BOD1L1: variants seen among roughly 807,000 people sequenced by gnomAD.
The protein encoded by BOD1L1 is biorientation of chromosomes in cell division protein 1-like 1.
Under a neutral mutation model 240.7 loss-of-function variants are expected in BOD1L1, and 86 were observed. The ratio of observed to expected loss-of-function variants is 0.36; its 90% CI spans 0.30 to 0.43. The LOEUF (loss-of-function observed/expected upper bound fraction) is 0.43, where lower values mean the gene tolerates loss of function less well. Ranked by LOEUF, BOD1L1 falls within the 20% of genes least tolerant of loss-of-function variation. The pLI is 1.00. For missense variants in BOD1L1, 3,554 were observed against 3,643.5 expected, an observed-to-expected ratio of 0.98 and a Z score of 0.63; for synonymous variants, 1,268 against 1,272.3, an observed-to-expected ratio of 1.00 and a Z score of 0.07.
At chr4:13,609,695 G>T (rs1435115562) in intron 6 of BOD1L1, among the ~76,000 whole-genome samples, 1 of 152,054 alleles carries the variant, frequency 6.6e-6, no homozygotes, top group Non-Finnish European at 1.5e-5. Context: ...GTATAATTTT[G>T]GGGAAAAGTG....
At chr4:13,591,437 A>G (rs922758372) in intron 13 of BOD1L1, among the ~76,000 whole-genome samples, 2 of 152,214 alleles carry the variant, frequency 1.3e-5, no homozygotes, top group Non-Finnish European at 2.9e-5. Context: ...CTCCTGGTAC[A>G]ATACAAGGTT....
At chr4:13,598,507 TATTTAA>T (rs1714798861) in intron 10 of BOD1L1, among the ~76,000 whole-genome samples, 1 of 152,206 alleles carries the variant, frequency 6.6e-6, no homozygotes, top group South Asian at 2.1e-4. Flanking sequence ...CCATGAATGC[TATTTAA>T]ATTTTCTGAC....
At chr4:13,607,085 A>G (rs906127626) in intron 9 of BOD1L1, 32 bp downstream of exon 9, 32 of 1,398,136 alleles carry the variant, frequency 2.3e-5, no homozygotes, top group Non-Finnish European at 3.1e-5. Context: ...CTAACAAAAC[A>G]GCATTTGAAA....
chr4:13,613,720 G>A lies in BOD1L1; in HGVS notation c.1175-59C>T. ...TCATCTTATTATAAGAACATACTCA[G>A]AGCTCAATTACTAAATTACACTTAA... On this transcript the variant is annotated intron_variant, in intron 4 of 25. Coordinates refer to ENST00000040738, the MANE Select transcript of BOD1L1 (RefSeq NM_148894.3). This position sits in a 1 kb window ranked among gnomAD's most constrained non-coding sequence, Gnocchi z 4.0. 7.6e-7 allele frequency: 1 copy of A among 1,310,636 alleles called. No homozygotes were observed. The highest frequency in any genetic ancestry group is 1.0e-6 in the Non-Finnish European group (1 of 988,424). The allele number at this position is 1,310,636 out of a possible 1,614,324, so 81.2% of individuals were successfully genotyped here.
rs1468924092 is a variant in BOD1L1 at position 13,574,913 on chromosome 4, G to A, written c.9038+1925C>T. On this transcript the variant is annotated intron_variant, in intron 25 of 25. Transcript: ENST00000040738. ...AGAAACAGATTGATTTTAAGTTTTT[G>A]TTTTTTTTTGTTTTTTTTTTTTGAG... is the stretch of plus-strand genomic sequence containing the variant. 7.8e-5 allele frequency among the ~76,000 whole-genome samples: 3 copies of A among 38,262 alleles called. No individual in the cohort carries two copies. The East Asian group carries it at 0.06, about 765-fold the overall frequency. The allele number at this position is 38,262 out of a possible 152,430, so 25.1% of individuals were successfully genotyped here.
chr4:13,610,169 T>C (rs1716045158), intron 6 of BOD1L1, among the ~76,000 whole-genome samples: 2 of 152,248 alleles, frequency 1.3e-5, no homozygotes, highest in South Asian at 4.1e-4. Context: ...AATTGTAAGC[T>C]ATCTTAAAAC....
rs1715255461 is a variant in BOD1L1 at position 13,602,282 on chromosome 4, T to C, written c.4618A>G (p.Thr1540Ala). ...CTTTGTCTTGTTTCTGAAGAAGTGG[T>C]TGTGGCAGGCCCAGCCTTCACTGGA... is the stretch of plus-strand genomic sequence containing the variant. ...LSPVKAGPATTTSSETRQSEV... is the reference protein window; with the variant it reads ...LSPVKAGPATATSSETRQSEV... Residue 1540 changes from threonine to alanine, a missense_variant, in exon 10 of 26, where the codon ACC becomes GCC. Physicochemically the swap from Thr to Ala is moderately conservative, Grantham distance 58. Transcript: ENST00000040738. The C allele has an allele frequency of 6.2e-7, 1 of 1,613,946 alleles. No homozygotes were observed. The highest frequency in any genetic ancestry group is 8.5e-7 in the Non-Finnish European group (1 of 1,179,872).
In BOD1L1 at chr4:13,603,587, G is replaced by A; in HGVS notation, c.3313C>T (p.Pro1105Ser). 1.2e-6 allele frequency: 2 copies of A among 1,613,744 alleles called. No individual in the cohort carries two copies. The highest frequency in any genetic ancestry group is 1.7e-6 in the Non-Finnish European group (2 of 1,179,804). The change falls in exon 10 of 26, where the codon CCA (proline) becomes TCA (serine). Residue 1105 changes from proline to serine, a missense_variant. This residue lies in a region of BOD1L1 where 3,393 missense variants were observed against 3,427.1 expected (regional missense o/e 0.99). Transcript: ENST00000040738. ...STPSGSSLQR[P>S]KKSGDMTLIP... is the part of the protein sequence containing the mutation. ...AATGTCATATCACCACTCTTTTTTG[G>A]TCTCTGAAGGGAGGAACCGCTGGGA...
Position 13,595,894 on chromosome 4 carries a change from T to C in BOD1L1, c.8070A>G (p.Pro2690=). 1 of 1,613,836 alleles carries C rather than the reference T, an allele frequency of 6.2e-7. No homozygotes were observed. The highest frequency in any genetic ancestry group is 8.5e-7 in the Non-Finnish European group (1 of 1,179,872). ...TTGGCTTTCCCCCACACAGACTTTC[T>C]GGTGGTGCCAGAATTTCACCATTTT... ...EEKNGEILAP[P]ESLCGGKPSG... The change falls in exon 12 of 26, where the codon CCA becomes CCG. Residue 2690 remains proline (P), a synonymous_variant. Transcript: ENST00000040738.
chr4:13,583,933 T>C (rs1713434179), intron 17 of BOD1L1, among the ~76,000 whole-genome samples: 1 of 152,156 alleles, frequency 6.6e-6, no homozygotes, highest in African/African-American at 2.4e-5. Flanking sequence ...CATTCTCAAG[T>C]CCTCTGTGTT....
chr4:13,574,629 A>C (rs779799943), intron 25 of BOD1L1, among the ~76,000 whole-genome samples: 2 of 152,218 alleles, frequency 1.3e-5, no homozygotes, highest in Non-Finnish European at 2.9e-5. Context: ...GGGAAGCAGT[A>C]ATTCTGGTGG....
Position 13,615,523 on chromosome 4 carries a change from T to A in BOD1L1, c.369-21A>T, listed in dbSNP as rs375041761. ...CTGATCTGAAACACAAGATAATTTA[T>A]GGAAAGGTGAAAAAATAATATATTA... On this transcript the variant is annotated intron_variant, in intron 2 of 25. Transcript: ENST00000040738. 9.0e-5 allele frequency: 141 copies of A among 1,564,310 alleles called. No individual in the cohort carries two copies. In the Middle Eastern group the frequency reaches 1.4e-3, roughly 15 times the overall value.
chr4:13,627,309 T>C (rs1481481451), intron 1 of BOD1L1, 36 bp downstream of exon 1: 1 of 1,199,198 alleles, frequency 8.3e-7, no homozygotes, highest in Non-Finnish European at 1.1e-6. Flanking sequence ...GTCCTCCCCT[T>C]CCCTCGCAGA....
At chr4:13,595,251 A>G (rs559554905) in intron 12 of BOD1L1, among the ~76,000 whole-genome samples, 1 of 152,352 alleles carries the variant, frequency 6.6e-6, no homozygotes, top group Non-Finnish European at 1.5e-5. Flanking sequence ...TATAAGCCAT[A>G]TAACAAAATC....
intron 22 of BOD1L1, among the ~76,000 whole-genome samples, 182 bp downstream of exon 22, chr4:13,579,746 T>G (rs1642250843): frequency 6.6e-6 from 1 of 152,204 alleles, no homozygotes; most frequent in African/African-American, 2.4e-5. Context: ...ATTTCAATTC[T>G]TGAGTCCTGG....
At chr4:13,611,195 G>T in intron 5 of BOD1L1, 95 bp from the exon 6 acceptor site, 5 of 787,846 alleles carry the variant, frequency 6.3e-6, no homozygotes, top group Non-Finnish European at 7.8e-6. Context: ...TGAATTGGAG[G>T]TCCAAAAGGG....
chr4:13,620,706 T>C (rs980534540), intron 1 of BOD1L1, among the ~76,000 whole-genome samples: 1 of 152,198 alleles, frequency 6.6e-6, no homozygotes, highest in African/African-American at 2.4e-5. Context: ...TTTCTGATGG[T>C]TAATCATCCT....
At position 13,604,096 on chromosome 4, in the gene BOD1L1, T is replaced by C; in HGVS notation, c.2804A>G (p.Gln935Arg). ...CTTGTCTGGTTTTGGAGTGGTTGCC[T>C]GTTTTGTGGCACCTTCTTGTAATTC... Reference protein sequence around the residue: ...ETELQEGATKQATTPKPDKEK... With the variant: ...ETELQEGATKRATTPKPDKEK... The change falls in exon 10 of 26, where the codon CAG becomes CGG. Residue 935 changes from glutamine to arginine, a missense_variant. Transcript: ENST00000040738. The C allele has an allele frequency of 6.2e-7, 1 of 1,613,758 alleles. No homozygotes were observed. The highest frequency in any genetic ancestry group is 8.5e-7 in the Non-Finnish European group (1 of 1,179,874).
intron 25 of BOD1L1, 79 bp from the exon 26 acceptor site, chr4:13,570,207 G>A: frequency 9.8e-7 from 1 of 1,024,200 alleles, no homozygotes; most frequent in East Asian, 3.0e-5. Context: ...TTAAAAAACA[G>A]AAGAGTTTTG....
Sources: gnomAD v4.1 joint callset for allele counts (sites outside exome capture counted in the v4.1 genomes callset) on GRCh38, gnomAD v4.1.1 for gene constraint, gnomAD v4.1.1 regional missense constraint, Gnocchi (gnomAD v3.1) non-coding constraint, MANE v1.5 for transcripts, NCBI Gene and HGNC (gene_info 2026-07-23, HGNC 2026-07-21) for gene names.